FANCD2: variants seen among roughly 807,000 people sequenced by gnomAD.
The protein encoded by FANCD2 is FA complementation group D2.
FANCD2 carries 131 observed loss-of-function variants against 192.3 expected under a neutral mutation model. The ratio of observed to expected loss-of-function variants is 0.68; its 90% CI spans 0.59 to 0.79. The LOEUF (loss-of-function observed/expected upper bound fraction) is 0.79, where lower values mean the gene tolerates loss of function less well. Among genes scored for constraint, FANCD2 ranks in the 30% least tolerant of loss-of-function variants. FANCD2 has a pLI of 0.00. For synonymous variants in FANCD2, 524 were observed against 612.5 expected (o/e 0.86, Z 2.13); for missense variants, 1,508 against 1,701.6 (o/e 0.89, Z 2.00).
chr3:10,055,603 G>C (rs922251069), intron 18 of FANCD2, among the ~76,000 whole-genome samples: 1 of 152,040 alleles, frequency 6.6e-6, no homozygotes, highest in Non-Finnish European at 1.5e-5. Context: ...ATGAGGTCAG[G>C]AGATCGAGAC....
intron 9 of FANCD2, 28 bp downstream of exon 9, chr3:10,039,873 G>T (rs747616219): frequency 3.7e-6 from 6 of 1,613,794 alleles, no homozygotes; most frequent in Non-Finnish European, 5.1e-6. Flanking sequence ...CATCATCTAA[G>T]TGAGGCTCAG....
intron 2 of FANCD2, chr3:10,032,489 TG>T (rs34561577): frequency 4.1e-4 from 46 of 112,038 alleles, no homozygotes; most frequent in African/African-American, 1.2e-3. Context: ...GGGGGGGAGA[TG>T]GGGGGGTGGT....
rs770226964 is a variant in FANCD2, at chr3:10,049,256, G to A, written c.1414-118G>A. ...ATGAAAACTAGATAATAGGTGATGG[G>A]TTTGGGTTGATTGTGATTTTAACAA... On this transcript the variant is annotated intron_variant, in intron 16 of 43. Transcript: ENST00000675286. The A allele has an allele frequency of 6.7e-5, 70 of 1,040,206 alleles. 2 individuals carry two copies. The highest frequency in any genetic ancestry group is 1.0e-4 in the Non-Finnish European group (69 of 677,442). 64.4% of individuals were successfully genotyped at this position (1,040,206 alleles called of 1,614,324 possible). A position where few individuals can be genotyped will look rare whatever the true frequency, so the allele number is the denominator to read the frequency against.
At position 10,042,674 on chromosome 3, in the gene FANCD2, A is replaced by G; in HGVS notation, c.888+11A>G. 2.5e-6 allele frequency: 4 copies of G among 1,603,374 alleles called. No homozygotes were observed. The highest frequency in any genetic ancestry group is 1.3e-5 in the African/African-American group (1 of 74,838). On this transcript the variant is annotated intron_variant, in intron 11 of 43. Transcript: ENST00000675286. The stretch of plus-strand genomic sequence containing the variant: ...ATGGATACACTTGAGGTATGCTCTT[A>G]TATCCCATCACACCTAGATAAAGCA...
intron 19 of FANCD2, among the ~76,000 whole-genome samples, chr3:10,061,277 C>G (rs1419637327): frequency 6.6e-6 from 1 of 152,236 alleles, no homozygotes; most frequent in African/African-American, 2.4e-5. Flanking sequence ...TTTATACTTT[C>G]TCTAAGAAAT....
intron 7 of FANCD2, among the ~76,000 whole-genome samples, chr3:10,037,958 T>A (rs1264354207): frequency 6.6e-6 from 1 of 152,212 alleles, no homozygotes; most frequent in Admixed American, 6.5e-5. Context: ...CCTTTTTAAT[T>A]TTTTCAGAGT....
intron 41 of FANCD2, among the ~76,000 whole-genome samples, chr3:10,095,702 T>G (rs1441820146): frequency 6.6e-6 from 1 of 152,166 alleles, no homozygotes; most frequent in Non-Finnish European, 1.5e-5. Flanking sequence ...ATCTTAGCAT[T>G]AAAGGATTTT....
rs749670036 is a variant in FANCD2, at chr3:10,074,616, T to A, written c.2802T>A (p.Ser934=). The change falls in exon 29 of 44, where the codon TCT becomes TCA. Residue 934 remains serine (S), a synonymous_variant. Transcript: ENST00000675286. ...FFRELDIEVF[S]ILHCGLVTKF... The stretch of plus-strand genomic sequence containing the variant: ...GAGAGCTGGACATTGAGGTCTTCTC[T>A]ATTCTACATTGTGGACTTGTGACGA... 5.6e-6 allele frequency: 9 copies of A among 1,613,790 alleles called. No homozygotes were observed.
intron 18 of FANCD2, among the ~76,000 whole-genome samples, chr3:10,054,436 C>CGT (rs767356553): frequency 7.1e-5 from 4 of 56,580 alleles, no homozygotes; most frequent in African/African-American, 4.1e-4. Flanking sequence ...CATGTATATA[C>CGT]ATGTATATAC....
At chr3:10,034,849 C>T (rs1219443672) in intron 5 of FANCD2, 51 bp downstream of exon 5, 1 of 1,294,594 alleles carries the variant, frequency 7.7e-7, no homozygotes, top group South Asian at 1.3e-5. Flanking sequence ...GTTTTGCCAA[C>T]TTCATGGGGC....
At chr3:10,052,327 T>G in intron 17 of FANCD2, 60 bp from the exon 18 acceptor site, 1 of 1,130,548 alleles carries the variant, frequency 8.8e-7, no homozygotes, top group East Asian at 2.3e-5. Flanking sequence ...TTTAATTTTT[T>G]GAATTTTAAG....
chr3:10,074,008 C>T (rs187590767), intron 28 of FANCD2, among the ~76,000 whole-genome samples: 3 of 152,168 alleles, frequency 2.0e-5, no homozygotes, highest in African/African-American at 4.8e-5. Flanking sequence ...TGCAGTGGCA[C>T]GATCTTGGCT....
intron 7 of FANCD2, among the ~76,000 whole-genome samples, chr3:10,038,502 A>G (rs1250199265): frequency 6.6e-6 from 1 of 151,206 alleles, no homozygotes; most frequent in Non-Finnish European, 1.5e-5. Context: ...ACATTTCTTT[A>G]TTTATAAATG....
At position 10,078,208 on chromosome 3, in the gene FANCD2, GC is replaced by G. The variant is rs1263618350; in HGVS notation, c.2976+12del. On this transcript the variant is annotated intron_variant, in intron 30 of 43. Transcript: ENST00000675286. ...GTCCCCTTTCTCAAGGTTAGTGTAG[GC>G]AGAAGCATAGGACTTGGGCATAGTG... 3.9e-6 allele frequency: 6 copies of G among 1,533,904 alleles called. No individual in the cohort carries two copies. The Admixed American group carries it at 1.0e-4, about 26-fold the overall frequency.
chr3:10,043,040 CTTTCTGCAGGTAA>C lies in FANCD2; in HGVS notation c.889-3_898del. ...AGCAGAAAACCATAGCTAATATTTA[CTTTCTGCAGGTAA>C]TTTCTGAGCTTCGGGAGAAGTTGGA... On this transcript the variant is annotated splice_acceptor_variant and splice_polypyrimidine_tract_variant and coding_sequence_variant and intron_variant, in exon 12 of 44. Coordinates refer to ENST00000675286, the MANE Select transcript of FANCD2 (RefSeq NM_001018115.3). LOFTEE classifies it high-confidence loss of function. The C allele has an allele frequency of 6.2e-7, 1 of 1,612,004 alleles. No individual in the cohort carries two copies.
At chr3:10,084,555 C>T (rs1251091504) in intron 32 of FANCD2, among the ~76,000 whole-genome samples, 3 of 152,200 alleles carry the variant, frequency 2.0e-5, no homozygotes, top group East Asian at 3.8e-4. Flanking sequence ...CCGCCTCAGC[C>T]TCCCAAAGTG....
At position 10,039,704 on chromosome 3, in the gene FANCD2, A is replaced by G. The variant is rs201353195; in HGVS notation, c.571-17A>G. On this transcript the variant is annotated splice_polypyrimidine_tract_variant and intron_variant, in intron 8 of 43. Transcript: ENST00000675286. ...CTGGGTAATGTGCTGCAGTTCTAAT[A>G]GTGTCTTCTACTGCAGGACCTCACC... The G allele has an allele frequency of 1.2e-6, 2 of 1,613,942 alleles. No individual in the cohort carries two copies. The highest frequency in any genetic ancestry group is 1.1e-5 in the South Asian group (1 of 91,028).
At chr3:10,072,209 T>A (rs1407855765) in intron 26 of FANCD2, among the ~76,000 whole-genome samples, 1 of 152,138 alleles carries the variant, frequency 6.6e-6, no homozygotes. Context: ...TTTACCCTCA[T>A]GTGATTATTA....
At position 10,078,129 on chromosome 3, in the gene FANCD2, G is replaced by T; in HGVS notation, c.2908G>T (p.Glu970Ter). 1 of 1,613,986 alleles carries T rather than the reference G, an allele frequency of 6.2e-7. No homozygotes were observed. The highest frequency in any genetic ancestry group is 8.5e-7 in the Non-Finnish European group (1 of 1,179,904). The change falls in exon 30 of 44, where the codon GAA becomes TAA. Residue 970 changes from glutamate to a stop codon, truncating the protein, a stop_gained. Coordinates refer to ENST00000675286, the MANE Select transcript of FANCD2 (RefSeq NM_001018115.3). LOFTEE classifies it high-confidence loss of function. The stretch of plus-strand genomic sequence containing the variant: ...GCCCCCTGAGCTGCTTTTCTTGCTG[G>T]AAGATCTCTCCCAGAAGCTGGAGAG... The part of the protein sequence containing the change: ...LGPPELLFLL[E>*]DLSQKLESML...
Sources: allele counts gnomAD v4.1 joint callset (sites outside exome capture counted in the v4.1 genomes callset), GRCh38; gene constraint gnomAD v4.1.1; transcripts MANE v1.5; gene names NCBI Gene and HGNC (gene_info 2026-07-23, HGNC 2026-07-21).